The following ESR1 variants were observed in gnomAD, a reference collection of about 807,000 sequenced individuals.
The protein encoded by ESR1 is estrogen receptor.
In ESR1, 12 loss-of-function variants were observed where a neutral mutation model predicts 52.7. That is an observed-to-expected ratio of 0.23 (90% confidence interval 0.15 to 0.37). ESR1 has a LOEUF of 0.37. Ranked by LOEUF, ESR1 falls within the 10% of genes least tolerant of loss-of-function variation. The pLI, the probability that ESR1 is intolerant of heterozygous loss-of-function variation, is 1.00. For missense variants in ESR1, 584 were observed against 779.7 expected (o/e 0.75, Z 2.99); for synonymous variants, 305 against 316.8 (o/e 0.96, Z 0.39).
intron 6 of ESR1, among the ~76,000 whole-genome samples, chr6:152,093,146 A>T (rs59129251): frequency 6.6e-6 from 1 of 151,988 alleles, no homozygotes; most frequent in Admixed American, 6.6e-5. Context: ...GTGTGGTGGC[A>T]GGCTCGTGTA....
intron 2 of ESR1, among the ~76,000 whole-genome samples, chr6:151,703,843 C>T (rs1013229507): frequency 2.6e-5 from 4 of 152,086 alleles, no homozygotes; most frequent in African/African-American, 9.7e-5. Flanking sequence ...GTCTTAGATC[C>T]AAAACTTTGA....
intron 3 of ESR1, among the ~76,000 whole-genome samples, chr6:151,900,489 T>G (rs1357357165): frequency 6.6e-6 from 1 of 152,142 alleles, no homozygotes; most frequent in Non-Finnish European, 1.5e-5. Context: ...GGTGAGCTAG[T>G]GTGATTTTTT....
chr6:151,734,647 C>T (rs1325681113), intron 2 of ESR1, among the ~76,000 whole-genome samples: 1 of 151,690 alleles, frequency 6.6e-6, no homozygotes, highest in South Asian at 2.1e-4. Flanking sequence ...TTCATTGAGA[C>T]AGTCTCTCTC....
intron 1 of ESR1, among the ~76,000 whole-genome samples, chr6:151,835,070 A>G (rs772283756): frequency 6.6e-6 from 1 of 152,184 alleles, no homozygotes; most frequent in African/African-American, 2.4e-5. Context: ...GAGGAAATGC[A>G]GTTTAAGCTG....
chr6:151,809,597 A>G (rs918816615), intron 1 of ESR1, among the ~76,000 whole-genome samples: 4 of 152,144 alleles, frequency 2.6e-5, no homozygotes, highest in African/African-American at 7.2e-5. Context: ...TTTGTTCAGT[A>G]TTCTGTTTCC....
chr6:151,968,191 A>G (rs1394132924), intron 4 of ESR1, among the ~76,000 whole-genome samples: 3 of 152,196 alleles, frequency 2.0e-5, no homozygotes, highest in East Asian at 3.9e-4. Context: ...TATTTAATAA[A>G]TGGTGTTGGG....
At chr6:151,791,827 A>G (rs181846738) in intron 2 of ESR1, among the ~76,000 whole-genome samples, 9 of 152,350 alleles carry the variant, frequency 5.9e-5, no homozygotes, top group Admixed American at 5.2e-4. Flanking sequence ...ACCCCAAACA[A>G]CAGGTAAAAT....
At chr6:151,821,151 C>G (rs1780493303) in intron 1 of ESR1, among the ~76,000 whole-genome samples, 1 of 151,736 alleles carries the variant, frequency 6.6e-6, no homozygotes, top group Non-Finnish European at 1.5e-5. Context: ...CTCCTGACCA[C>G]TACCTCACAC....
chr6:151,757,687 G>A (rs535511026), intron 2 of ESR1, among the ~76,000 whole-genome samples: 42 of 152,284 alleles, frequency 2.8e-4, no homozygotes, highest in African/African-American at 9.1e-4. Context: ...TTGCTTGTTT[G>A]TGCTTTTGCA....
At chr6:151,825,639 T>G (rs1781351718) in intron 1 of ESR1, among the ~76,000 whole-genome samples, 1 of 152,102 alleles carries the variant, frequency 6.6e-6, no homozygotes, top group Admixed American at 6.5e-5. Flanking sequence ...TGGCCAGGTA[T>G]GGTGGATCAT....
At chr6:151,699,389 G>A (rs1294896063) in intron 1 of ESR1, among the ~76,000 whole-genome samples, 1 of 152,166 alleles carries the variant, frequency 6.6e-6, no homozygotes, top group Non-Finnish European at 1.5e-5. Flanking sequence ...AACATGGGTT[G>A]CACTTGATTT....
rs968930474 is a variant in ESR1 at position 151,714,434 on chromosome 6, G to A, written c.-71+12429G>A. Among the ~76,000 whole-genome samples, 2 of 152,098 alleles carry A rather than the reference G, an allele frequency of 1.3e-5. 1 individual carries two copies. The highest frequency in any genetic ancestry group is 1.3e-4 in the Admixed American group (2 of 15,270). ...TTGATCTGTTTAATATTGACAGTGG[G>A]GTGTTAAAGTCTCCCGCTATTATTG... On this transcript the variant is annotated intron_variant, in intron 2 of 2. Coordinates refer to the ESR1 transcript ENST00000404742.
intron 4 of ESR1, chr6:151,983,858 TAA>T (rs1379018481): frequency 6.6e-6 from 1 of 152,144 alleles, no homozygotes; most frequent in African/African-American, 2.4e-5. Flanking sequence ...ATAGAAAATT[TAA>T]AGTCAGATGA....
chr6:152,121,520 G>A (rs867977662), intron 6 of ESR1, among the ~76,000 whole-genome samples: 3 of 152,180 alleles, frequency 2.0e-5, no homozygotes, highest in Admixed American at 6.5e-5. Flanking sequence ...GGTCTTCTAT[G>A]TCTAAATCCA....
intron 5 of ESR1, among the ~76,000 whole-genome samples, chr6:152,023,966 G>A (rs759959935): frequency 3.9e-5 from 6 of 152,104 alleles, no homozygotes; most frequent in South Asian, 2.1e-4. Context: ...AAGAGTTTCC[G>A]TGTCCCCAAG....
chr6:151,758,866 G>A (rs1784461814), intron 2 of ESR1, among the ~76,000 whole-genome samples: 1 of 152,008 alleles, frequency 6.6e-6, no homozygotes, highest in Non-Finnish European at 1.5e-5. Context: ...GCATGAAAAG[G>A]TGCCTCTCCT....
downstream of ESR1, among the ~76,000 whole-genome samples, chr6:152,105,047 G>A (rs2051047106): frequency 6.6e-6 from 1 of 152,214 alleles, no homozygotes; most frequent in South Asian, 2.1e-4. Flanking sequence ...CTGGAAGACA[G>A]CCCACCTGGA....
At chr6:151,746,300 C>A (rs183472048) in intron 2 of ESR1, among the ~76,000 whole-genome samples, 1 of 152,220 alleles carries the variant, frequency 6.6e-6, no homozygotes, top group African/African-American at 2.4e-5. Flanking sequence ...CTTATCTTCT[C>A]GAATGAGAAC....
intron 4 of ESR1, among the ~76,000 whole-genome samples, chr6:151,992,203 A>G (rs1186219062): frequency 6.6e-6 from 1 of 152,174 alleles, no homozygotes; most frequent in Non-Finnish European, 1.5e-5. Context: ...CTTGAAGTGT[A>G]TAGCTCAGTG....
Sources: gnomAD v4.1 joint callset for allele counts (sites outside exome capture counted in the v4.1 genomes callset) on GRCh38, gnomAD v4.1.1 for gene constraint, MANE v1.5 for transcripts, NCBI Gene and HGNC (gene_info 2026-07-23, HGNC 2026-07-21) for gene names.